Variants in PLEC observed in about 807,000 individuals in gnomAD.
PLEC encodes plectin, also known as hemidesmosomal protein 1.
Under a neutral mutation model 392.8 loss-of-function variants are expected in PLEC, and 216 were observed. The ratio of observed to expected loss-of-function variants is 0.55; its 90% CI spans 0.49 to 0.62. PLEC has a LOEUF of 0.62. Ranked by LOEUF, PLEC falls within the 20% of genes least tolerant of loss-of-function variation. The probability of loss-of-function intolerance (pLI) is 0.00; values close to 1 mark genes in which losing one functional copy is unlikely to be tolerated. For synonymous variants in PLEC, 3,621 were observed against 2,980.6 expected (o/e 1.21, Z -7.00); for missense variants, 6,863 against 6,563.4 (o/e 1.05, Z -1.58).
rs782714752 is a variant in PLEC, at chr8:143,929,702, C to T, written c.2867G>A (p.Arg956His). The change falls in exon 23 of 32, where the codon CGC becomes CAC. Residue 956 changes from arginine to histidine, a missense_variant. Physicochemically the swap from Arg to His is conservative, Grantham distance 29 (BLOSUM62 0). Coordinates refer to ENST00000345136, the MANE Select transcript of PLEC (RefSeq NM_201384.3). ...FGPEDRLMAE[R>H]EYGSCSHHYQ... ...GTGGTGGCTGCAGGAGCCGTACTCG[C>T]GCTCAGCCATCAGCCGGTCCTCGGG... is the stretch of plus-strand genomic sequence containing the variant. 26 of 1,599,514 alleles carry T rather than the reference C, an allele frequency of 1.6e-5. No homozygotes were observed. Among genetic ancestry groups the T allele is most frequent in the Middle Eastern group, 1.6e-4 (1 of 6,076 alleles).
At chr8:143,944,598 C>G (rs1211881450) in intron 1 of PLEC, 69 of 1,177,458 alleles carry the variant, frequency 5.9e-5, no homozygotes, top group Non-Finnish European at 7.4e-5. Flanking sequence ...GGCCCCTGTC[C>G]CCAGCAAGGG....
At chr8:143,971,082 G>A (rs1554744159) in intron 1 of PLEC, among the ~76,000 whole-genome samples, 1 of 152,200 alleles carries the variant, frequency 6.6e-6, no homozygotes, top group African/African-American at 2.4e-5. Context: ...GACTGTACAG[G>A]GAAGACCGGG....
At chr8:143,945,806 C>T (rs1831377183) in intron 1 of PLEC, among the ~76,000 whole-genome samples, 1 of 152,246 alleles carries the variant, frequency 6.6e-6, no homozygotes, top group African/African-American at 2.4e-5. Context: ...AACAAGAGGG[C>T]CGGGCCCACC....
In PLEC at chr8:143,927,699, G is replaced by GC; in HGVS notation, c.3466dup (p.Ala1156GlyfsTer31). The GC allele has an allele frequency of 1.3e-6, 2 of 1,583,198 alleles. No homozygotes were observed. Among genetic ancestry groups the GC allele is most frequent in the Non-Finnish European group, 8.6e-7 (1 of 1,163,608 alleles). ...CTGCAGTCGCTCCCCCACCTCCTGT[G>GC]CCCCCCGCAGCTCATCCCGCAGGGC... On this transcript the variant is annotated frameshift_variant, in exon 27 of 32. Transcript: ENST00000345136. LOFTEE classifies it high-confidence loss of function.
chr8:143,932,558 A>T lies in PLEC; in HGVS notation c.1819T>A (p.Ser607Thr), dbSNP rs1554717414. 2 of 1,612,352 alleles carry T rather than the reference A, an allele frequency of 1.2e-6. No individual in the cohort carries two copies. The highest frequency in any genetic ancestry group is 1.1e-5 in the South Asian group (1 of 91,082). Residue 607 changes from serine (S) to threonine (T), a missense_variant, in exon 16 of 32, where the codon TCC becomes ACC. Coordinates refer to ENST00000345136, the MANE Select transcript of PLEC (RefSeq NM_201384.3). ...AGGGACCTGAGGCGGGCCTTGGAGGAGTTCTGTGGGCAGGAGGGTGCGTGT... is the reference window on the plus strand; with the variant it reads ...AGGGACCTGAGGCGGGCCTTGGAGGTGTTCTGTGGGCAGGAGGGTGCGTGT... ...LDLQYAKLLN[S>T]SKARLRSLES...
rs542195321 is a variant in PLEC, at chr8:143,918,085, C to T, written c.11736G>A (p.Arg3912=). Residue 3912 remains arginine (R), a synonymous_variant, in exon 32 of 32, where the codon CGG becomes CGA. Coordinates refer to ENST00000345136, the MANE Select transcript of PLEC (RefSeq NM_201384.3). Reference sequence around the variant, plus strand: ...CCTCCTCGATGGAGGTCAGGCCCTCCCGCAGCTGCAGCGCCGTGGCCTCGT... The same window carrying T: ...CCTCCTCGATGGAGGTCAGGCCCTCTCGCAGCTGCAGCGCCGTGGCCTCGT... ...VMDEATALQL[R]EGLTSIEEVT... is the part of the protein sequence containing the mutation. 1 of 1,597,080 alleles carries T rather than the reference C, an allele frequency of 6.3e-7. No individual in the cohort carries two copies. Among genetic ancestry groups the T allele is most frequent in the East Asian group, 2.3e-5 (1 of 44,350 alleles).
intron 1 of PLEC, chr8:143,944,751 T>C (rs879988561): frequency 1.9e-5 from 24 of 1,261,916 alleles, no homozygotes; most frequent in Middle Eastern, 4.2e-4. Context: ...CACAAGCCAC[T>C]GGCGGCAGCG....
rs1189024124 is a variant in PLEC, at chr8:143,969,409, C to T, written c.70+3994G>A. Among the ~76,000 whole-genome samples the T allele has an allele frequency of 2.0e-5, 3 of 152,206 alleles. No homozygotes were observed. Among genetic ancestry groups the T allele is most frequent in the African/African-American group, 4.8e-5 (2 of 41,450 alleles). ...CTGGGCACCCTATGGGAGAGGCCTC[C>T]GTGCTGAGGGCTGTGGGCTGGTGAC... On this transcript the variant is annotated intron_variant, in intron 1 of 31. Coordinates refer to the PLEC transcript ENST00000356346. The surrounding 1 kb of genome is among the most constrained non-coding windows in gnomAD (Gnocchi z 5.1).
chr8:143,955,055 A>G (rs535224807), upstream of PLEC, among the ~76,000 whole-genome samples: 1 of 152,298 alleles, frequency 6.6e-6, no homozygotes, highest in African/African-American at 2.4e-5. Context: ...CCGTAGACCC[A>G]GCAGTTCTGG....
chr8:143,946,288 T>G (rs549263331), intron 1 of PLEC: 10 of 1,183,756 alleles, frequency 8.4e-6, no homozygotes, highest in Admixed American at 2.4e-5. Context: ...GAGACAGGTC[T>G]GCCAGAGGCG....
intron 1 of PLEC, among the ~76,000 whole-genome samples, chr8:143,947,950 C>G (rs1831692629): frequency 6.6e-6 from 1 of 152,204 alleles, no homozygotes; most frequent in East Asian, 1.9e-4. Context: ...CTCCTCAGAG[C>G]CCTCCCTGAT....
At chr8:143,934,232 C>A in intron 11 of PLEC, 86 bp downstream of exon 11, 1 of 1,601,084 alleles carries the variant, frequency 6.2e-7, no homozygotes, top group South Asian at 1.1e-5. Flanking sequence ...GTTCCCCCGC[C>A]GGGGGCGGGG....
In PLEC at chr8:143,973,492, GGGGTGCAGC is replaced by G. The variant is rs1330196685; in HGVS notation, c.-29_-21del. ...GGCCATGCCGGCGGGCGCGGGGCGC[GGGGTGCAGC>G]GGAGCCTCCAGCACCCGGCGGCCAC... is the stretch of plus-strand genomic sequence containing the variant. On this transcript the variant is annotated 5_prime_UTR_variant, in exon 1 of 32. Coordinates refer to the PLEC transcript ENST00000356346. The surrounding 1 kb of genome is among the most constrained non-coding windows in gnomAD (Gnocchi z 5.6). The G allele has an allele frequency of 1.0e-5, 15 of 1,490,264 alleles. No individual in the cohort carries two copies. Among genetic ancestry groups the G allele is most frequent in the Non-Finnish European group, 1.3e-5 (14 of 1,118,062 alleles). The allele number at this position is 1,490,264 out of a possible 1,614,324, so 92.3% of individuals were successfully genotyped here. A position where few individuals can be genotyped will look rare whatever the true frequency, so the allele number is the denominator to read the frequency against.
chr8:143,937,347 G>A (rs1829328305), intron 3 of PLEC, 105 bp from the exon 4 acceptor site: 3 of 820,024 alleles, frequency 3.7e-6, no homozygotes, highest in African/African-American at 3.3e-5. Flanking sequence ...GTCTTCCCCA[G>A]GGGGCAGCAG....
rs1319567200 is a variant in PLEC at position 143,922,022 on chromosome 8, A to T, written c.7799T>A (p.Leu2600His). Residue 2600 changes from leucine to histidine, a missense_variant, in exon 32 of 32, where the codon CTC (leucine) becomes CAC (histidine). Coordinates refer to ENST00000345136, the MANE Select transcript of PLEC (RefSeq NM_201384.3). Reference protein sequence around the residue: ...ENQRLREQLQLLEEQHRAALA... With the variant: ...ENQRLREQLQHLEEQHRAALA... ...CGCGGCCCGGTGCTGCTCCTCCAGG[A>T]GCTGCAGCTGCTCACGCAGCCTCTG... 2 of 1,597,166 alleles carry T rather than the reference A, an allele frequency of 1.3e-6. No individual in the cohort carries two copies. The highest frequency in any genetic ancestry group is 2.7e-5 in the African/African-American group (2 of 74,900).
rs1554686025 is a variant in PLEC at position 143,921,503 on chromosome 8, G to C, written c.8318C>G (p.Ala2773Gly). Residue 2773 changes from alanine (A) to glycine (G), a missense_variant, in exon 32 of 32, where the codon GCC becomes GGC. Ala to Gly is a moderately conservative substitution (Grantham distance 60, BLOSUM62 0). Transcript: ENST00000345136. ...LHHKLLSAER[A>G]VTGYKDPYTG... ...GTAGGGGTCCTTGTAGCCAGTGACG[G>C]CGCGCTCGGCCGACAGCAGCTTGTG... 1 of 1,613,088 alleles carries C rather than the reference G, an allele frequency of 6.2e-7. No homozygotes were observed. The highest frequency in any genetic ancestry group is 2.2e-5 in the East Asian group (1 of 44,874).
Position 143,932,984 on chromosome 8 carries a change from C to T in PLEC, c.1546G>A (p.Glu516Lys), listed in dbSNP as rs530596364. The T allele has an allele frequency of 8.6e-5, 138 of 1,611,182 alleles. No individual in the cohort carries two copies. Among genetic ancestry groups the T allele is most frequent in the Non-Finnish European group, 1.4e-5 (17 of 1,179,408 alleles). ...VTLQSVQRRPELEDSTLRYLQ... is the reference protein window; with the variant it reads ...VTLQSVQRRPKLEDSTLRYLQ... ...TAGCGCAGAGTGGAGTCCTCCAGCT[C>T]GGGGCGCCTCTGCACACTCTGCAGA... Residue 516 changes from glutamate (E) to lysine (K), a missense_variant, in exon 14 of 32, where the codon GAG (glutamate) becomes AAG (lysine). By Grantham distance (56) the Glu-to-Lys change is moderately conservative. Transcript: ENST00000345136.
intron 1 of PLEC, among the ~76,000 whole-genome samples, chr8:143,968,307 C>T (rs952888171): frequency 7.3e-5 from 11 of 151,644 alleles, no homozygotes; most frequent in African/African-American, 2.4e-4. Context: ...AGGACACCAC[C>T]GGCCAGGTGA....
At chr8:143,975,291 C>T, upstream of PLEC, 1 of 1,610,340 alleles carries the variant, frequency 6.2e-7, no homozygotes, top group East Asian at 2.2e-5. The surrounding 1 kb of genome is among the most constrained non-coding windows in gnomAD (Gnocchi z 9.9). Context: ...GGCAGTGTGT[C>T]CCCAGGGCTG....
Sources: allele counts gnomAD v4.1 joint callset (sites outside exome capture counted in the v4.1 genomes callset), GRCh38; gene constraint gnomAD v4.1.1; non-coding constraint Gnocchi (gnomAD v3.1); transcripts MANE v1.5; gene names NCBI Gene and HGNC (gene_info 2026-07-23, HGNC 2026-07-21).